The following LTBP1 variants were observed in gnomAD, a reference collection of about 807,000 sequenced individuals.
The protein encoded by LTBP1 is latent-transforming growth factor beta-binding protein 1.
A neutral mutation model predicts 207.6 loss-of-function variants in LTBP1; 129 were observed. The ratio of observed to expected loss-of-function variants is 0.62; its 90% CI spans 0.54 to 0.72. The LOEUF (loss-of-function observed/expected upper bound fraction) is 0.72. Ranked by LOEUF, LTBP1 falls within the 30% of genes least tolerant of loss-of-function variation. The pLI is 0.00. For missense variants in LTBP1, 2,281 were observed against 2,217.2 expected (o/e 1.03, Z -0.58); for synonymous variants, 963 against 833.7 (o/e 1.16, Z -2.67).
At chr2:33,223,653 C>G (rs573331354) in intron 9 of LTBP1, among the ~76,000 whole-genome samples, 7 of 152,234 alleles carry the variant, frequency 4.6e-5, no homozygotes, top group African/African-American at 1.4e-4. Flanking sequence ...AGTCTATAGC[C>G]TTAGCACATC....
In LTBP1 at chr2:33,335,962, A is replaced by C. The variant is rs547676981; in HGVS notation, c.3731-6876A>C. 3.9e-5 allele frequency among the ~76,000 whole-genome samples: 6 copies of C among 152,304 alleles called. No homozygotes were observed. The South Asian group carries it at 1.0e-3, about 26-fold the overall frequency. On this transcript the variant is annotated intron_variant, in intron 24 of 33. Transcript: ENST00000404816. Reference sequence around the variant, plus strand: ...AGTTCCAGGAGCACCGATGCTAGACATGGTCCTGTCTAAGTCCTGGGACCT... The same window carrying C: ...AGTTCCAGGAGCACCGATGCTAGACCTGGTCCTGTCTAAGTCCTGGGACCT...
chr2:33,301,241 A>G (rs1156837467), intron 21 of LTBP1, among the ~76,000 whole-genome samples: 1 of 152,232 alleles, frequency 6.6e-6, no homozygotes, highest in Admixed American at 6.5e-5. Flanking sequence ...ACAAGTGTCC[A>G]GAGTTCTTGA....
At chr2:33,098,576 GCGC>G (rs2079525915) in intron 3 of LTBP1, among the ~76,000 whole-genome samples, 1 of 151,854 alleles carries the variant, frequency 6.6e-6, no homozygotes, top group Admixed American at 6.6e-5. Context: ...TGGACTACAG[GCGC>G]ATGCCACCAC....
chr2:33,144,008 A>C (rs1331724271), intron 5 of LTBP1, among the ~76,000 whole-genome samples: 1 of 151,980 alleles, frequency 6.6e-6, no homozygotes, highest in East Asian at 1.9e-4. Flanking sequence ...CTGAAGGTGC[A>C]TATGGACTCC....
intron 3 of LTBP1, among the ~76,000 whole-genome samples, chr2:33,060,675 G>GTGTGTT (rs2077225485): frequency 6.6e-6 from 1 of 151,640 alleles, no homozygotes; most frequent in Non-Finnish European, 1.5e-5. Context: ...GTGTGTGTGT[G>GTGTGTT]TGTGTAAAGA....
At chr2:33,239,939 A>AAAT (rs2092241135) in intron 9 of LTBP1, among the ~76,000 whole-genome samples, 1 of 130,442 alleles carries the variant, frequency 7.7e-6, no homozygotes, top group African/African-American at 2.8e-5. Flanking sequence ...AATAAATAAA[A>AAAT]ATATGAGACT....
chr2:33,175,627 C>T (rs1188847800), intron 5 of LTBP1, among the ~76,000 whole-genome samples: 1 of 152,146 alleles, frequency 6.6e-6, no homozygotes, highest in African/African-American at 2.4e-5. Flanking sequence ...GTAGAAATAC[C>T]ATTGGACCGA....
At chr2:32,970,275 T>A (rs564315997) in intron 2 of LTBP1, among the ~76,000 whole-genome samples, 1 of 152,290 alleles carries the variant, frequency 6.6e-6, no homozygotes, top group African/African-American at 2.4e-5. Context: ...TTAATTAGGT[T>A]CCATTTGTCA....
intron 2 of LTBP1, among the ~76,000 whole-genome samples, chr2:32,977,070 G>C (rs1376857251): frequency 6.6e-6 from 1 of 152,172 alleles, no homozygotes; most frequent in Non-Finnish European, 1.5e-5. Context: ...TGTTATCCTG[G>C]GGCAAAAGGA....
At chr2:33,155,878 A>T (rs1356867998) in intron 5 of LTBP1, among the ~76,000 whole-genome samples, 1 of 152,236 alleles carries the variant, frequency 6.6e-6, no homozygotes, top group South Asian at 2.1e-4. Flanking sequence ...TTGTTAATCA[A>T]ATAAAGGTAC....
At chr2:33,306,178 A>G (rs1045978642) in intron 22 of LTBP1, among the ~76,000 whole-genome samples, 1 of 152,246 alleles carries the variant, frequency 6.6e-6, no homozygotes, top group Non-Finnish European at 1.5e-5. Context: ...TCTAATGTAT[A>G]TAATTATTTA....
intron 2 of LTBP1, among the ~76,000 whole-genome samples, chr2:32,987,389 T>C (rs1193897822): frequency 6.6e-6 from 1 of 152,050 alleles, no homozygotes; most frequent in Non-Finnish European, 1.5e-5. Flanking sequence ...TGTTCATGTA[T>C]TGAGGGGGTT....
chr2:32,947,339 G>A lies in LTBP1; in HGVS notation c.15G>A (p.Trp5Ter). 8.0e-7 allele frequency: 1 copy of A among 1,247,334 alleles called. No homozygotes were observed. The highest frequency in any genetic ancestry group is 1.0e-6 in the Non-Finnish European group (1 of 996,144). The allele number at this position is 1,247,334 out of a possible 1,614,324, so 77.3% of individuals were successfully genotyped here. A position where few individuals can be genotyped will look rare whatever the true frequency, so the allele number is the denominator to read the frequency against. Residue 5 changes from tryptophan (W) to a stop codon, truncating the protein, a stop_gained, in exon 1 of 34, where the codon TGG (tryptophan) becomes TGA (stop). Coordinates refer to ENST00000404816, the MANE Select transcript of LTBP1 (RefSeq NM_206943.4). LOFTEE classifies it high-confidence loss of function. MAGA[W>*]LRWGLLLWAG... is the part of the protein sequence containing the mutation. The stretch of plus-strand genomic sequence containing the variant: ...TGGGGCCCGCGATGGCGGGGGCCTG[G>A]CTCAGGTGGGGGCTCCTGCTCTGGG...
chr2:33,163,528 A>G (rs1166236278), intron 5 of LTBP1, among the ~76,000 whole-genome samples: 2 of 152,162 alleles, frequency 1.3e-5, no homozygotes, highest in Admixed American at 1.3e-4. Flanking sequence ...AAAGGATAAA[A>G]ACATGTGATT....
chr2:33,121,863 G>A (rs561692635), intron 4 of LTBP1, among the ~76,000 whole-genome samples: 2 of 152,154 alleles, frequency 1.3e-5, no homozygotes, highest in Non-Finnish European at 2.9e-5. Flanking sequence ...AAGCACTTTC[G>A]TTAGTCTTTA....
In LTBP1 at chr2:33,291,293, G is replaced by T. The variant is rs373024714; in HGVS notation, c.3113-1867G>T. On this transcript the variant is annotated intron_variant, in intron 19 of 33. Transcript: ENST00000404816. ...ATTTACTTTACCTAGAGAAAGTATG[G>T]TCTTAGAAATTGATTTTGCTGTTAT... 2.2e-3 allele frequency among the ~76,000 whole-genome samples: 330 copies of T among 152,266 alleles called. 2 individuals carry two copies. The highest frequency in any genetic ancestry group is 7.2e-3 in the African/African-American group (301 of 41,546).
At chr2:33,063,526 T>G (rs190692252) in intron 3 of LTBP1, among the ~76,000 whole-genome samples, 4 of 152,192 alleles carry the variant, frequency 2.6e-5, no homozygotes. Context: ...TAACATTTAA[T>G]GGGCTTGTTA....
Position 33,017,955 on chromosome 2 carries a change from C to T in LTBP1, c.566-2954C>T, listed in dbSNP as rs571516502. Among the ~76,000 whole-genome samples, 3 of 152,246 alleles carry T rather than the reference C, an allele frequency of 2.0e-5. No homozygotes were observed. The South Asian group carries it at 6.2e-4, about 32-fold the overall frequency. On this transcript the variant is annotated intron_variant, in intron 2 of 33. Transcript: ENST00000404816. ...GAATCTGTCCTCCTCCAGTTCAATCCAGCCCCTCCTCATCTCCGTGCTCTA... is the reference window on the plus strand; with the variant it reads ...GAATCTGTCCTCCTCCAGTTCAATCTAGCCCCTCCTCATCTCCGTGCTCTA...
intron 31 of LTBP1, among the ~76,000 whole-genome samples, chr2:33,365,925 A>G (rs1358006617): frequency 6.6e-6 from 1 of 152,204 alleles, no homozygotes. Flanking sequence ...TTTCATGTCA[A>G]TCTCTGTATG....
Sources: allele counts gnomAD v4.1 joint callset (sites outside exome capture counted in the v4.1 genomes callset), GRCh38; gene constraint gnomAD v4.1.1; transcripts MANE v1.5; gene names NCBI Gene and HGNC (gene_info 2026-07-23, HGNC 2026-07-21).